The following TMTC3 variants were observed in gnomAD, a reference collection of about 807,000 sequenced individuals.
The protein encoded by TMTC3 is transmembrane O-mannosyltransferase targeting cadherins 3, also known as protein O-mannosyl-transferase TMTC3.
A neutral mutation model predicts 92.2 loss-of-function variants in TMTC3; 52 were observed. The observed-to-expected ratio is 0.56, with a 90% confidence interval of 0.45 to 0.71. TMTC3 has a LOEUF of 0.71. Ranked by LOEUF, TMTC3 falls within the 30% of genes least tolerant of loss-of-function variation. TMTC3 has a pLI of 0.00. For synonymous variants in TMTC3, 339 were observed against 363.3 expected (o/e 0.93, Z 0.76); for missense variants, 896 against 1,057.1 (o/e 0.85, Z 2.11).
chr12:88,197,992 G>T lies in TMTC3; in HGVS notation c.*2343G>T. On this transcript the variant is annotated 3_prime_UTR_variant, in exon 14 of 14. Transcript: ENST00000266712. Reference sequence around the variant, plus strand: ...AGGAAAATGCTTTTATTTCTCCCATGTTAACTTTTAAAACTAGTAATGTAC... The same window carrying T: ...AGGAAAATGCTTTTATTTCTCCCATTTTAACTTTTAAAACTAGTAATGTAC... 1 of 205,904 alleles carries T rather than the reference G, an allele frequency of 4.9e-6. No homozygotes were observed. Among genetic ancestry groups the T allele is most frequent in the East Asian group, 1.0e-4 (1 of 9,590 alleles). The allele number at this position is 205,904 out of a possible 1,614,324, so 12.8% of individuals were successfully genotyped here. A position where few individuals can be genotyped will look rare whatever the true frequency, so the allele number is the denominator to read the frequency against.
intron 7 of TMTC3, among the ~76,000 whole-genome samples, chr12:88,172,252 C>T (rs2041212596): frequency 6.6e-6 from 1 of 151,930 alleles, no homozygotes; most frequent in Admixed American, 6.6e-5. Flanking sequence ...ATTTAAAATG[C>T]TGTAATGGTT....
At chr12:88,144,071 C>T (rs996221153) in intron 1 of TMTC3, among the ~76,000 whole-genome samples, 16 of 152,190 alleles carry the variant, frequency 1.1e-4, no homozygotes, top group African/African-American at 3.1e-4. Flanking sequence ...GACGTCCCAC[C>T]TTTCTCGCCA....
rs1408031298 is a variant in TMTC3 at position 88,199,351 on chromosome 12, G to T, written c.*3702G>T. On this transcript the variant is annotated 3_prime_UTR_variant, in exon 14 of 14. Transcript: ENST00000266712. ...GGAAAAACATTTTCCTCTTAAAATTGTGAAGAGGATTTATATATTTATATG... is the reference window on the plus strand; with the variant it reads ...GGAAAAACATTTTCCTCTTAAAATTTTGAAGAGGATTTATATATTTATATG... The T allele has an allele frequency of 3.3e-5, 5 of 151,476 alleles. No individual in the cohort carries two copies. The highest frequency in any genetic ancestry group is 2.0e-4 in the Admixed American group (3 of 15,180). 9.4% of individuals were successfully genotyped at this position (151,476 alleles called of 1,614,324 possible). A position where few individuals can be genotyped will look rare whatever the true frequency, so the allele number is the denominator to read the frequency against.
chr12:88,192,552 C>A, intron 12 of TMTC3, 52 bp from the exon 13 acceptor site: 1 of 1,422,272 alleles, frequency 7.0e-7, no homozygotes, highest in Admixed American at 1.8e-5. Flanking sequence ...ATTGTATCTA[C>A]AAACTGAGAT....
At position 88,174,746 on chromosome 12, in the gene TMTC3, T is replaced by C. The variant is rs1259008091; in HGVS notation, c.1320+19T>C. ...CTTGAAGGTAAAGTGTTGTTCAGAATGACAGGAAAGTATGTCATCAGTGAT... is the reference window on the plus strand; with the variant it reads ...CTTGAAGGTAAAGTGTTGTTCAGAACGACAGGAAAGTATGTCATCAGTGAT... On this transcript the variant is annotated intron_variant, in intron 9 of 13. Transcript: ENST00000266712. The C allele has an allele frequency of 1.2e-6, 2 of 1,610,526 alleles. No homozygotes were observed. The highest frequency in any genetic ancestry group is 1.3e-5 in the African/African-American group (1 of 74,910).
Position 88,190,470 on chromosome 12 carries a change from A to G in TMTC3, c.1554A>G (p.Lys518=), listed in dbSNP as rs2041429669. The G allele has an allele frequency of 6.2e-7, 1 of 1,613,410 alleles. No individual in the cohort carries two copies. The highest frequency in any genetic ancestry group is 8.5e-7 in the Non-Finnish European group (1 of 1,179,668). The stretch of plus-strand genomic sequence containing the variant: ...CTAAACAGATTATTCCTGGTAAAAA[A>G]TATGCAGCCAGAATTGCCCCTAACC... The part of the protein sequence containing the change: ...SLMPQIIPGK[K]YAARIAPNHL... The change falls in exon 12 of 14, where the codon AAA becomes AAG. Residue 518 remains lysine (K), a synonymous_variant. Coordinates refer to ENST00000266712, the MANE Select transcript of TMTC3 (RefSeq NM_181783.4).
At chr12:88,144,890 G>A (rs777971739) in intron 1 of TMTC3, among the ~76,000 whole-genome samples, 12 of 152,044 alleles carry the variant, frequency 7.9e-5, no homozygotes, top group Admixed American at 2.0e-4. Context: ...ATTATTTTTC[G>A]TCAGATTTTC....
intron 4 of TMTC3, among the ~76,000 whole-genome samples, chr12:88,156,669 G>A (rs2041013862): frequency 6.7e-6 from 1 of 148,414 alleles, no homozygotes; most frequent in Admixed American, 6.9e-5. Flanking sequence ...TCTACCCAAA[G>A]CAGTCAGGAG....
At chr12:88,151,443 G>A (rs982938311) in intron 2 of TMTC3, among the ~76,000 whole-genome samples, 4 of 151,970 alleles carry the variant, frequency 2.6e-5, no homozygotes, top group African/African-American at 9.7e-5. Flanking sequence ...TAATATGCCC[G>A]AAAGTAATAA....
At chr12:88,165,445 A>T (rs1294646828) in intron 6 of TMTC3, among the ~76,000 whole-genome samples, 1 of 152,130 alleles carries the variant, frequency 6.6e-6, no homozygotes. Flanking sequence ...GAGATTCCGT[A>T]TGAAAATTTT....
intron 7 of TMTC3, among the ~76,000 whole-genome samples, chr12:88,169,718 C>G (rs958991276): frequency 2.0e-5 from 3 of 152,040 alleles, no homozygotes; most frequent in South Asian, 2.1e-4. Context: ...ATGGGAAGAT[C>G]ACTGGAGGCC....
At chr12:88,146,643 A>ATG (rs1172511157) in intron 1 of TMTC3, among the ~76,000 whole-genome samples, 1 of 149,808 alleles carries the variant, frequency 6.7e-6, no homozygotes, top group Non-Finnish European at 1.5e-5. Context: ...ATGTATATAT[A>ATG]TGTAAAATAA....
chr12:88,148,225 C>T, intron 1 of TMTC3, 63 bp from the exon 2 acceptor site: 1 of 1,089,712 alleles, frequency 9.2e-7, no homozygotes, highest in Non-Finnish European at 1.3e-6. Flanking sequence ...TACCCACCTA[C>T]TAAAATTGAA....
rs1186987683 is a variant in TMTC3 at position 88,166,568 on chromosome 12, A to G, written c.1036A>G (p.Lys346Glu). The G allele has an allele frequency of 1.9e-6, 3 of 1,612,992 alleles. No homozygotes were observed. The highest frequency in any genetic ancestry group is 2.5e-6 in the Non-Finnish European group (3 of 1,179,696). ...TATCAGATACTCTGGTGATTCCTCC[A>G]AGACTGTTTTAATGGTAAGAAACTT... ...FSIRYSGDSS[K>E]TVLMALCLMA... The change falls in exon 7 of 14, where the codon AAG (lysine) becomes GAG (glutamate). Residue 346 changes from lysine to glutamate, a missense_variant. Transcript: ENST00000266712.
At chr12:88,152,408 A>G (rs1044870934) in intron 2 of TMTC3, among the ~76,000 whole-genome samples, 4 of 152,188 alleles carry the variant, frequency 2.6e-5, no homozygotes, top group Admixed American at 2.0e-4. Flanking sequence ...CAATGACCCA[A>G]ACATCTCCCA....
intron 12 of TMTC3, 55 bp from the exon 13 acceptor site, chr12:88,192,549 C>G: frequency 7.2e-7 from 1 of 1,398,470 alleles, no homozygotes; most frequent in East Asian, 2.3e-5. Flanking sequence ...AAAATTGTAT[C>G]TACAAACTGA....
At chr12:88,181,997 TAG>T (rs2041323317) in intron 10 of TMTC3, among the ~76,000 whole-genome samples, 1 of 152,228 alleles carries the variant, frequency 6.6e-6, no homozygotes, top group Admixed American at 6.5e-5. Context: ...CCTGCATAAT[TAG>T]AGAGTGCTAT....
intron 1 of TMTC3, among the ~76,000 whole-genome samples, chr12:88,145,395 C>T (rs893288665): frequency 1.3e-5 from 2 of 152,168 alleles, no homozygotes; most frequent in African/African-American, 4.8e-5. Context: ...ATACAATTTA[C>T]AGTTTTATTG....
chr12:88,144,077 C>T (rs535063201), intron 1 of TMTC3, among the ~76,000 whole-genome samples: 1 of 152,332 alleles, frequency 6.6e-6, no homozygotes, highest in East Asian at 1.9e-4. Context: ...CCACCTTTCT[C>T]GCCATCTTGG....
Sources: gnomAD v4.1 joint callset for allele counts (sites outside exome capture counted in the v4.1 genomes callset) on GRCh38, gnomAD v4.1.1 for gene constraint, MANE v1.5 for transcripts, NCBI Gene and HGNC (gene_info 2026-07-23, HGNC 2026-07-21) for gene names.